Variants in PSMB3 observed in about 807,000 individuals in gnomAD.
PSMB3 encodes proteasome subunit beta type-3.
A neutral mutation model predicts 23.3 loss-of-function variants in PSMB3; 5 were observed. The ratio of observed to expected loss-of-function variants is 0.21; its 90% CI spans 0.11 to 0.45. PSMB3 has a LOEUF of 0.45. Ranked by LOEUF, PSMB3 falls within the 20% of genes least tolerant of loss-of-function variation. The pLI is 0.99. For missense variants in PSMB3, 192 were observed against 277.9 expected (o/e 0.69, Z 2.20); for synonymous variants, 85 against 99.8 (o/e 0.85, Z 0.88).
At chr17:38,764,088 G>C in intron 5 of PSMB3, 31 bp from the exon 6 acceptor site, 1 of 1,614,008 alleles carries the variant, frequency 6.2e-7, no homozygotes, top group African/African-American at 1.3e-5. Flanking sequence ...GATGGGTAGA[G>C]ATGTTTTCTT....
chr17:38,756,557 G>C (rs137861885), intron 3 of PSMB3, among the ~76,000 whole-genome samples: 1 of 151,814 alleles, frequency 6.6e-6, no homozygotes, highest in African/African-American at 2.4e-5. Flanking sequence ...GTGCAGTGGC[G>C]TGATCTCGGC....
At position 38,762,218 on chromosome 17, in the gene PSMB3, T is replaced by C. The variant is rs1035015350; in HGVS notation, c.475-193T>C. The C allele has an allele frequency of 5.4e-6, 3 of 558,460 alleles. No individual in the cohort carries two copies. The Admixed American group carries it at 9.8e-5, about 18-fold the overall frequency. The allele number at this position is 558,460 out of a possible 1,614,324, so 34.6% of individuals were successfully genotyped here. A position where few individuals can be genotyped will look rare whatever the true frequency, so the allele number is the denominator to read the frequency against. On this transcript the variant is annotated intron_variant, in intron 4 of 5. Coordinates refer to ENST00000619426, the MANE Select transcript of PSMB3 (RefSeq NM_002795.4). ...TCAGGGCTTGAAGTCTCTTTCACTT[T>C]CCTTTACATAATTCTGCTTCCTTCC...
intron 2 of PSMB3, among the ~76,000 whole-genome samples, chr17:38,755,680 A>ATGTGTGTGTGTG (rs1368083790): frequency 1.9e-5 from 2 of 103,528 alleles, no homozygotes; most frequent in Non-Finnish European, 1.8e-5. Context: ...ATATATATAT[A>ATGTGTGTGTGTG]TATGTGTGTG....
At position 38,755,990 on chromosome 17, in the gene PSMB3, G is replaced by A. The variant is rs1322585413; in HGVS notation, c.296G>A (p.Arg99Gln). The A allele has an allele frequency of 3.1e-6, 5 of 1,607,886 alleles. No individual in the cohort carries two copies. The highest frequency in any genetic ancestry group is 1.3e-5 in the African/African-American group (1 of 74,848). The change falls in exon 3 of 6, where the codon CGG becomes CAG. Residue 99 changes from arginine to glutamine, a missense_variant and splice_region_variant. By Grantham distance (43) the Arg-to-Gln change is conservative. Coordinates refer to ENST00000619426, the MANE Select transcript of PSMB3 (RefSeq NM_002795.4). The stretch of plus-strand genomic sequence containing the variant: ...GTGGCCAACCTCTTGTATGAGAAAC[G>A]GTGAGTGCAAGTGTAGCTAGCACTG... ...SMVANLLYEK[R>Q]FGPYYTEPVI...
At chr17:38,761,327 A>C (rs1908427330) in intron 4 of PSMB3, among the ~76,000 whole-genome samples, 1 of 149,222 alleles carries the variant, frequency 6.7e-6, no homozygotes, top group Admixed American at 6.7e-5. Flanking sequence ...CAGCCTGGGC[A>C]ACAAGAGCTA....
intron 3 of PSMB3, among the ~76,000 whole-genome samples, chr17:38,759,434 T>G (rs1908340560): frequency 2.0e-5 from 3 of 152,228 alleles, no homozygotes; most frequent in African/African-American, 7.2e-5. Flanking sequence ...GAATGCCTGT[T>G]GCTTTTGCAC....
At chr17:38,755,574 G>A (rs1412914125) in intron 2 of PSMB3, among the ~76,000 whole-genome samples, 1 of 151,264 alleles carries the variant, frequency 6.6e-6, no homozygotes, top group African/African-American at 2.4e-5. Flanking sequence ...GAACCCGGGT[G>A]GCGGAGCTTG....
Position 38,755,872 on chromosome 17 carries a change from TCCTA to T in PSMB3, c.189-7_189-4del. ...ATAATGACTTACTAACTCACTTTTC[TCCTA>T]CCTCAGTGCCCAGCGCCTCAAGTTC... On this transcript the variant is annotated splice_polypyrimidine_tract_variant and splice_region_variant and intron_variant, in intron 2 of 5. Transcript: ENST00000619426. The T allele has an allele frequency of 6.2e-7, 1 of 1,611,762 alleles. No individual in the cohort carries two copies. The highest frequency in any genetic ancestry group is 1.1e-5 in the South Asian group (1 of 91,016).
At chr17:38,758,126 C>A (rs1908286674) in intron 3 of PSMB3, among the ~76,000 whole-genome samples, 2 of 152,036 alleles carry the variant, frequency 1.3e-5, no homozygotes, top group Non-Finnish European at 2.9e-5. Flanking sequence ...GATGGTATCT[C>A]TGGGGTCCAG....
At chr17:38,759,225 C>T (rs528444954) in intron 3 of PSMB3, among the ~76,000 whole-genome samples, 156 of 152,316 alleles carry the variant, frequency 1.0e-3, no homozygotes, top group Non-Finnish European at 2.1e-3. Flanking sequence ...ATTTTGTAGA[C>T]ATAGGATGCA....
In PSMB3 at chr17:38,754,704, A is replaced by G. The variant is rs140799641; in HGVS notation, c.189-1179A>G. ...TCCTTTTCTTCAGAGGGCTTTTCTC[A>G]CTGCGTTTGCTTCCTTCTGGGCAAT... On this transcript the variant is annotated intron_variant, in intron 2 of 5. Transcript: ENST00000619426. 2.0e-3 allele frequency among the ~76,000 whole-genome samples: 298 copies of G among 152,136 alleles called. 2 individuals carry two copies. Among genetic ancestry groups the G allele is most frequent in the African/African-American group, 7.1e-3 (293 of 41,496 alleles).
intron 1 of PSMB3, 27 bp from the exon 2 acceptor site, chr17:38,753,110 TTGACCCCCCGCGC>T (rs1908006716): frequency 6.4e-7 from 1 of 1,562,312 alleles, no homozygotes; most frequent in Admixed American, 1.9e-5. Flanking sequence ...GTGGCAGCGT[TTGACCCCCCGCGC>T]TGACCCCTCC....
In PSMB3 at chr17:38,764,160, T is replaced by A. The variant is rs530689080; in HGVS notation, c.611T>A (p.Met204Lys). The change falls in exon 6 of 6, where the codon ATG becomes AAG. Residue 204 changes from methionine (M) to lysine (K), a missense_variant. By Grantham distance (95) the Met-to-Lys change is moderately conservative. Transcript: ENST00000619426. ...KITTRTLKAR[M>K]D Reference sequence around the variant, plus strand: ...ACCACCAGGACACTGAAGGCCCGAATGGACTAACCCTGTTCCCAGAGCCCA... The same window carrying A: ...ACCACCAGGACACTGAAGGCCCGAAAGGACTAACCCTGTTCCCAGAGCCCA... 6.8e-6 allele frequency: 11 copies of A among 1,614,190 alleles called. No homozygotes were observed. In the South Asian group the frequency reaches 1.2e-4, roughly 18 times the overall value.
intron 5 of PSMB3, 67 bp from the exon 6 acceptor site, chr17:38,764,052 G>C: frequency 1.3e-6 from 2 of 1,596,614 alleles, no homozygotes; most frequent in Non-Finnish European, 1.7e-6. Context: ...CTGAGGGCCA[G>C]GAGAGCTAGT....
In PSMB3 at chr17:38,760,494, C is replaced by T. The variant is rs569872174; in HGVS notation, c.360C>T (p.Phe120=). 1 of 1,614,278 alleles carries T rather than the reference C, an allele frequency of 6.2e-7. No individual in the cohort carries two copies. The highest frequency in any genetic ancestry group is 1.7e-5 in the Admixed American group (1 of 60,034). Residue 120 remains phenylalanine (F), a synonymous_variant, in exon 4 of 6, where the codon TTC becomes TTT. Transcript: ENST00000619426. ...TGGACCCGAAGACCTTTAAGCCCTT[C>T]ATTTGCTCTCTAGACCTCATCGGCT... The part of the protein sequence containing the change: ...AGLDPKTFKP[F]ICSLDLIGCP...
chr17:38,755,817 C>T, intron 2 of PSMB3, 66 bp from the exon 3 acceptor site: 1 of 1,382,958 alleles, frequency 7.2e-7, no homozygotes, highest in Non-Finnish European at 1.0e-6. Context: ...TTTCCCTGAC[C>T]TCAACAGGGT....
chr17:38,763,497 C>A (rs1254008919), intron 5 of PSMB3, among the ~76,000 whole-genome samples: 1 of 76,032 alleles, frequency 1.3e-5, no homozygotes, highest in Admixed American at 1.8e-4. Context: ...CTTCTTCCCC[C>A]TTTTTTTTTT....
At chr17:38,753,996 A>G (rs1041897340) in intron 2 of PSMB3, among the ~76,000 whole-genome samples, 1 of 152,210 alleles carries the variant, frequency 6.6e-6, no homozygotes, top group Non-Finnish European at 1.5e-5. Flanking sequence ...TGAGGGGCGA[A>G]GAGAAGCCAG....
intron 2 of PSMB3, chr17:38,755,513 C>T (rs780893717): frequency 1.6e-4 from 24 of 152,000 alleles, no homozygotes; most frequent in Non-Finnish European, 3.2e-4. Flanking sequence ...GGAGTGGTGG[C>T]GGGCGCCTGT....
Sources: gnomAD v4.1 joint callset for allele counts (sites outside exome capture counted in the v4.1 genomes callset) on GRCh38, gnomAD v4.1.1 for gene constraint, MANE v1.5 for transcripts, NCBI Gene and HGNC (gene_info 2026-07-23, HGNC 2026-07-21) for gene names.